The following FOXD3 variants were observed in gnomAD, a reference collection of about 807,000 sequenced individuals.
FOXD3 encodes the protein forkhead box D3.
Under a neutral mutation model 3.6 loss-of-function variants are expected in FOXD3, and 3 were observed. The ratio of observed to expected loss-of-function variants is 0.84; its 90% CI spans 0.38 to 2.18. FOXD3 has a LOEUF of 2.18. Among genes scored for constraint, FOXD3 ranks in the 30% most tolerant of loss-of-function variants. FOXD3 has a pLI of 0.06. For missense variants in FOXD3, 686 were observed against 731.6 expected (o/e 0.94, Z 0.72); for synonymous variants, 391 against 360.9 (o/e 1.08, Z -0.94).
chr1:63,323,927 C>T lies in FOXD3; in HGVS notation c.869C>T (p.Ala290Val). ...GCGGCCGGTGCCTATTCGCACCCGG[C>T]AGCGGCGGCGGCCGCGGCTGCTGCG... ...AAAAGAYSHP[A>V]AAAAAAAAAA... is the part of the protein sequence containing the mutation. Residue 290 changes from alanine to valine, a missense_variant, in exon 1 of 1, where the codon GCA becomes GTA. Ala to Val is a moderately conservative substitution (Grantham distance 64). Transcript: ENST00000371116. The surrounding 1 kb of genome is among the most constrained non-coding windows in gnomAD (Gnocchi z 6.8). 8.0e-7 allele frequency: 1 copy of T among 1,254,612 alleles called. No individual in the cohort carries two copies. The highest frequency in any genetic ancestry group is 1.0e-6 in the Non-Finnish European group (1 of 1,004,618). 77.7% of individuals were successfully genotyped at this position (1,254,612 alleles called of 1,614,324 possible).
Position 63,324,138 on chromosome 1 carries a change from C to T in FOXD3, c.1080C>T (p.Ala360=). 7.0e-7 allele frequency: 1 copy of T among 1,433,216 alleles called. No homozygotes were observed. Among genetic ancestry groups the T allele is most frequent in the Non-Finnish European group, 9.0e-7 (1 of 1,106,748 alleles). The allele number at this position is 1,433,216 out of a possible 1,614,324, so 88.8% of individuals were successfully genotyped here. A position where few individuals can be genotyped will look rare whatever the true frequency, so the allele number is the denominator to read the frequency against. Residue 360 remains alanine (A), a synonymous_variant, in exon 1 of 1, where the codon GCC becomes GCT. Transcript: ENST00000371116. This position sits in a 1 kb window ranked among gnomAD's most constrained non-coding sequence, Gnocchi z 4.1. Reference sequence around the variant, plus strand: ...CGGCCGCTGCGGGCACAGCGGGCGCCGCGGGCACCACCGCGTCGCTCATCA... The same window carrying T: ...CGGCCGCTGCGGGCACAGCGGGCGCTGCGGGCACCACCGCGTCGCTCATCA... ...AAAAAAGTAG[A]AGTTASLIKS...
In FOXD3 at chr1:63,322,809, CCAGGGACGG is replaced by C; in HGVS notation, c.-245_-237del. 1 of 985,398 alleles carries C rather than the reference CCAGGGACGG, an allele frequency of 1.0e-6. No homozygotes were observed. The highest frequency in any genetic ancestry group is 1.2e-6 in the Non-Finnish European group (1 of 829,916). 61.0% of individuals were successfully genotyped at this position (985,398 alleles called of 1,614,324 possible). A position where few individuals can be genotyped will look rare whatever the true frequency, so the allele number is the denominator to read the frequency against. On this transcript the variant is annotated 5_prime_UTR_variant, in exon 1 of 1. Transcript: ENST00000371116. Reference sequence around the variant, plus strand: ...GGTAGCGAGCGCCTAGTACCGAGCGCCAGGGACGGCAGGAGTTCGCGGAGCGCGGCCGCT... The same window carrying C: ...GGTAGCGAGCGCCTAGTACCGAGCGCCAGGAGTTCGCGGAGCGCGGCCGCT...
chr1:63,323,028 T>C lies in FOXD3; in HGVS notation c.-31T>C, dbSNP rs993855056. 6.6e-7 allele frequency: 1 copy of C among 1,511,110 alleles called. No individual in the cohort carries two copies. The highest frequency in any genetic ancestry group is 8.8e-7 in the Non-Finnish European group (1 of 1,134,498). The allele number at this position is 1,511,110 out of a possible 1,614,324, so 93.6% of individuals were successfully genotyped here. ...AACACCCTCATCGCCCGCTGCCCCC[T>C]CCCCGCCGCCGCTACCAACCCCGAG... is the stretch of plus-strand genomic sequence containing the variant. On this transcript the variant is annotated 5_prime_UTR_variant, in exon 1 of 1. Coordinates refer to ENST00000371116, the MANE Select transcript of FOXD3 (RefSeq NM_012183.3). The surrounding 1 kb of genome is among the most constrained non-coding windows in gnomAD (Gnocchi z 6.8).
chr1:63,323,239 G>T lies in FOXD3; in HGVS notation c.181G>T (p.Val61Leu). 6 of 1,523,604 alleles carry T rather than the reference G, an allele frequency of 3.9e-6. No individual in the cohort carries two copies. Among genetic ancestry groups the T allele is most frequent in the South Asian group, 1.2e-5 (1 of 82,582 alleles). The allele number at this position is 1,523,604 out of a possible 1,614,324, so 94.4% of individuals were successfully genotyped here. ...GCTGCGCCTGGACGAGGCGGACGAG[G>T]TGCCCCCGGCGGCACCCCATCACGG... ...PELRLDEADE[V>L]PPAAPHHGQP... Residue 61 changes from valine (V) to leucine (L), a missense_variant, in exon 1 of 1, where the codon GTG becomes TTG. By Grantham distance (32) the Val-to-Leu change is conservative (BLOSUM62 1). Around this residue, in one of 3 missense-constraint regions of FOXD3, gnomAD observed 232 missense variants for 214.0 expected, o/e 1.08. Transcript: ENST00000371116. The surrounding 1 kb of genome is among the most constrained non-coding windows in gnomAD (Gnocchi z 6.8).
chr1:63,324,585 C>A lies in FOXD3; in HGVS notation c.*90C>A, dbSNP rs545812255. 2 of 968,122 alleles carry A rather than the reference C, an allele frequency of 2.1e-6. No homozygotes were observed. The highest frequency in any genetic ancestry group is 1.7e-5 in the African/African-American group (1 of 59,154). The allele number at this position is 968,122 out of a possible 1,614,324, so 60.0% of individuals were successfully genotyped here. On this transcript the variant is annotated 3_prime_UTR_variant, in exon 1 of 1. Coordinates refer to ENST00000371116, the MANE Select transcript of FOXD3 (RefSeq NM_012183.3). This position sits in a 1 kb window ranked among gnomAD's most constrained non-coding sequence, Gnocchi z 4.1. ...CTGCGCGCCCTGTCCCAAGCCCGGT[C>A]CCGGTCCCGCTGCCCAATCCTGGAC...
rs980386059 is a variant in FOXD3 at position 63,324,739 on chromosome 1, A to G, written c.*244A>G. On this transcript the variant is annotated 3_prime_UTR_variant, in exon 1 of 1. Transcript: ENST00000371116. This position sits in a 1 kb window ranked among gnomAD's most constrained non-coding sequence, Gnocchi z 4.1. ...GCCCGCCGGGGATAGCTTTCCATAC[A>G]GGTAAAACCGAAAACCGAATTTTCC... 5 of 546,712 alleles carry G rather than the reference A, an allele frequency of 9.1e-6. No individual in the cohort carries two copies. Among genetic ancestry groups the G allele is most frequent in the Non-Finnish European group, 1.6e-5 (5 of 306,868 alleles). 33.9% of individuals were successfully genotyped at this position (546,712 alleles called of 1,614,324 possible). A position where few individuals can be genotyped will look rare whatever the true frequency, so the allele number is the denominator to read the frequency against.
rs1185982038 is a variant in FOXD3, at chr1:63,323,537, A to G, written c.479A>G (p.Lys160Arg). Residue 160 changes from lysine to arginine, a missense_variant, in exon 1 of 1, where the codon AAG becomes AGG. Around this residue, in one of 3 missense-constraint regions of FOXD3, gnomAD observed 84 missense variants for 145.2 expected, o/e 0.58. Transcript: ENST00000371116. This position sits in a 1 kb window ranked among gnomAD's most constrained non-coding sequence, Gnocchi z 6.8. ...ITMAILQSPQ[K>R]KLTLSGICEF... ...ATGGCCATCCTGCAGAGCCCGCAGA[A>G]GAAGCTGACCCTGAGCGGCATCTGC... is the stretch of plus-strand genomic sequence containing the variant. 1 of 1,614,142 alleles carries G rather than the reference A, an allele frequency of 6.2e-7. No homozygotes were observed. The highest frequency in any genetic ancestry group is 8.5e-7 in the Non-Finnish European group (1 of 1,180,014).
At position 63,324,444 on chromosome 1, in the gene FOXD3, G is replaced by C; in HGVS notation, c.1386G>C (p.Ser462=). 1 of 1,542,508 alleles carries C rather than the reference G, an allele frequency of 6.5e-7. No individual in the cohort carries two copies. The highest frequency in any genetic ancestry group is 1.9e-5 in the Admixed American group (1 of 51,612). The change falls in exon 1 of 1, where the codon TCG becomes TCC. Residue 462 remains serine (S), a synonymous_variant. Transcript: ENST00000371116. This position sits in a 1 kb window ranked among gnomAD's most constrained non-coding sequence, Gnocchi z 4.1. ...GACAGTTTCTGCAGCCCGCAGCCTC[G>C]GCCGCCGCCGCTGCTGCGGCCGCCG... ...LSGQFLQPAA[S]AAAAAAAAAQ...
chr1:63,325,061 A>G lies in FOXD3; in HGVS notation c.*566A>G, dbSNP rs1457998956. On this transcript the variant is annotated 3_prime_UTR_variant, in exon 1 of 1. Coordinates refer to ENST00000371116, the MANE Select transcript of FOXD3 (RefSeq NM_012183.3). ...AGTCTGTTTATATATGAATGAATAT[A>G]TATGGTATTCTAAATGTTATTCCAT... The G allele has an allele frequency of 1.8e-5, 3 of 166,936 alleles. No homozygotes were observed. Among genetic ancestry groups the G allele is most frequent in the African/African-American group, 2.4e-5 (1 of 41,478 alleles). 10.3% of individuals were successfully genotyped at this position (166,936 alleles called of 1,614,324 possible). A position where few individuals can be genotyped will look rare whatever the true frequency, so the allele number is the denominator to read the frequency against.
rs1479054818 is a variant in FOXD3, at chr1:63,325,076, T to A, written c.*581T>A. On this transcript the variant is annotated 3_prime_UTR_variant, in exon 1 of 1. Coordinates refer to ENST00000371116, the MANE Select transcript of FOXD3 (RefSeq NM_012183.3). ...GAATGAATATATATGGTATTCTAAATGTTATTCCATCGTGTTGTACACAAC... is the reference window on the plus strand; with the variant it reads ...GAATGAATATATATGGTATTCTAAAAGTTATTCCATCGTGTTGTACACAAC... The A allele has an allele frequency of 1.2e-5, 2 of 166,774 alleles. No homozygotes were observed. The highest frequency in any genetic ancestry group is 4.8e-5 in the African/African-American group (2 of 41,466). 10.3% of individuals were successfully genotyped at this position (166,774 alleles called of 1,614,324 possible).
Position 63,323,031 on chromosome 1 carries a change from C to G in FOXD3, c.-28C>G. On this transcript the variant is annotated 5_prime_UTR_variant, in exon 1 of 1. Transcript: ENST00000371116. The surrounding 1 kb of genome is among the most constrained non-coding windows in gnomAD (Gnocchi z 6.8). ...ACCCTCATCGCCCGCTGCCCCCTCCCCGCCGCCGCTACCAACCCCGAGGAG... is the reference window on the plus strand; with the variant it reads ...ACCCTCATCGCCCGCTGCCCCCTCCGCGCCGCCGCTACCAACCCCGAGGAG... 2 of 1,514,764 alleles carry G rather than the reference C, an allele frequency of 1.3e-6. No individual in the cohort carries two copies. The highest frequency in any genetic ancestry group is 1.8e-6 in the Non-Finnish European group (2 of 1,135,886). 93.8% of individuals were successfully genotyped at this position (1,514,764 alleles called of 1,614,324 possible). A position where few individuals can be genotyped will look rare whatever the true frequency, so the allele number is the denominator to read the frequency against.
rs1193013104 is a variant in FOXD3 at position 63,324,265 on chromosome 1, G to A, written c.1207G>A (p.Gly403Ser). 7.5e-6 allele frequency: 11 copies of A among 1,476,312 alleles called. No individual in the cohort carries two copies. The highest frequency in any genetic ancestry group is 8.0e-6 in the Non-Finnish European group (9 of 1,123,480). The allele number at this position is 1,476,312 out of a possible 1,614,324, so 91.5% of individuals were successfully genotyped here. ...GGCGGTGGGCGCTGGGGTCGCCGGC[G>A]GCACTGGGGGTTCAGGGGGCGGCAG... ...GSAVGAGVAGGTGGSGGGSTA... is the reference protein window; with the variant it reads ...GSAVGAGVAGSTGGSGGGSTA... The change falls in exon 1 of 1, where the codon GGC (glycine) becomes AGC (serine). Residue 403 changes from glycine (G) to serine (S), a missense_variant. This residue lies in a region of FOXD3 where 370 missense variants were observed against 372.3 expected (regional missense o/e 0.99). Transcript: ENST00000371116. The surrounding 1 kb of genome is among the most constrained non-coding windows in gnomAD (Gnocchi z 4.1).
Position 63,323,361 on chromosome 1 carries a change from G to T in FOXD3, c.303G>T (p.Ala101=). Residue 101 remains alanine, a synonymous_variant, in exon 1 of 1, where the codon GCG becomes GCT. Transcript: ENST00000371116. This position sits in a 1 kb window ranked among gnomAD's most constrained non-coding sequence, Gnocchi z 6.8. ...GPGGDVGAPE[A]DGCKGGVGGE... ...GGGGCGACGTGGGCGCGCCGGAGGC[G>T]GACGGCTGCAAGGGCGGTGTTGGCG... The T allele has an allele frequency of 1.5e-6, 2 of 1,348,720 alleles. No homozygotes were observed. Among genetic ancestry groups the T allele is most frequent in the Non-Finnish European group, 9.5e-7 (1 of 1,052,496 alleles). The allele number at this position is 1,348,720 out of a possible 1,614,324, so 83.5% of individuals were successfully genotyped here.
At position 63,324,736 on chromosome 1, in the gene FOXD3, T is replaced by A. The variant is rs993939259; in HGVS notation, c.*241T>A. On this transcript the variant is annotated 3_prime_UTR_variant, in exon 1 of 1. Transcript: ENST00000371116. The surrounding 1 kb of genome is among the most constrained non-coding windows in gnomAD (Gnocchi z 4.1). ...CGCGCCCGCCGGGGATAGCTTTCCA[T>A]ACAGGTAAAACCGAAAACCGAATTT... The A allele has an allele frequency of 5.4e-6, 3 of 556,276 alleles. No individual in the cohort carries two copies. Among genetic ancestry groups the A allele is most frequent in the Non-Finnish European group, 9.6e-6 (3 of 311,564 alleles). The allele number at this position is 556,276 out of a possible 1,614,324, so 34.5% of individuals were successfully genotyped here.
chr1:63,324,831 T>A lies in FOXD3; in HGVS notation c.*336T>A. ...ATGGGAGGGAAATTCTTTGTATATATTTGTAAAAAAATTATTGACTTTCCT... is the reference window on the plus strand; with the variant it reads ...ATGGGAGGGAAATTCTTTGTATATAATTGTAAAAAAATTATTGACTTTCCT... On this transcript the variant is annotated 3_prime_UTR_variant, in exon 1 of 1. Transcript: ENST00000371116. This position sits in a 1 kb window ranked among gnomAD's most constrained non-coding sequence, Gnocchi z 4.1. 3.3e-6 allele frequency: 1 copy of A among 306,784 alleles called. No individual in the cohort carries two copies. Among genetic ancestry groups the A allele is most frequent in the Non-Finnish European group, 6.3e-6 (1 of 159,014 alleles). The allele number at this position is 306,784 out of a possible 1,614,324, so 19.0% of individuals were successfully genotyped here. A position where few individuals can be genotyped will look rare whatever the true frequency, so the allele number is the denominator to read the frequency against.
chr1:63,323,277 G>T lies in FOXD3; in HGVS notation c.219G>T (p.Pro73=). 2.0e-6 allele frequency: 3 copies of T among 1,489,928 alleles called. No homozygotes were observed. The highest frequency in any genetic ancestry group is 2.1e-4 in the Middle Eastern group (1 of 4,750). 92.3% of individuals were successfully genotyped at this position (1,489,928 alleles called of 1,614,324 possible). ...CACCCCATCACGGACAGCCTCAGCC[G>T]CCCCACCAGCAGCCCCTGACATTGC... is the stretch of plus-strand genomic sequence containing the variant. ...PAAPHHGQPQ[P]PHQQPLTLPK... Residue 73 remains proline (P), a synonymous_variant, in exon 1 of 1, where the codon CCG becomes CCT. Coordinates refer to ENST00000371116, the MANE Select transcript of FOXD3 (RefSeq NM_012183.3). The surrounding 1 kb of genome is among the most constrained non-coding windows in gnomAD (Gnocchi z 6.8).
chr1:63,324,112 G>T lies in FOXD3; in HGVS notation c.1054G>T (p.Ala352Ser). The change falls in exon 1 of 1, where the codon GCG becomes TCG. Residue 352 changes from alanine to serine, a missense_variant. This residue lies in a region of FOXD3 where 370 missense variants were observed against 372.3 expected (regional missense o/e 0.99). Transcript: ENST00000371116. This position sits in a 1 kb window ranked among gnomAD's most constrained non-coding sequence, Gnocchi z 4.1. ...GCAGCTCAATAGCCTGGGCGCCGCC[G>T]CGGCCGCTGCGGGCACAGCGGGCGC... ...QLQLNSLGAA[A>S]AAAGTAGAAG... The T allele has an allele frequency of 7.0e-7, 1 of 1,430,516 alleles. No individual in the cohort carries two copies. The highest frequency in any genetic ancestry group is 9.0e-7 in the Non-Finnish European group (1 of 1,105,260). The allele number at this position is 1,430,516 out of a possible 1,614,324, so 88.6% of individuals were successfully genotyped here. A position where few individuals can be genotyped will look rare whatever the true frequency, so the allele number is the denominator to read the frequency against.
chr1:63,323,192 A>T lies in FOXD3; in HGVS notation c.134A>T (p.Asp45Val). ...LEEKDSDAGC[D>V]SPAGPPELRL... ...GAGAAGGACAGCGACGCAGGTTGCG[A>T]TAGCCCCGCGGGGCCGCCGGAGCTG... is the stretch of plus-strand genomic sequence containing the variant. Residue 45 changes from aspartate to valine, a missense_variant, in exon 1 of 1, where the codon GAT becomes GTT. Coordinates refer to ENST00000371116, the MANE Select transcript of FOXD3 (RefSeq NM_012183.3). This position sits in a 1 kb window ranked among gnomAD's most constrained non-coding sequence, Gnocchi z 6.8. 1 of 1,550,660 alleles carries T rather than the reference A, an allele frequency of 6.4e-7. No individual in the cohort carries two copies. The highest frequency in any genetic ancestry group is 8.7e-7 in the Non-Finnish European group (1 of 1,150,416).
At position 63,322,924 on chromosome 1, in the gene FOXD3, C is replaced by T; in HGVS notation, c.-135C>T. 5.0e-6 allele frequency: 7 copies of T among 1,391,672 alleles called. No homozygotes were observed. Among genetic ancestry groups the T allele is most frequent in the Non-Finnish European group, 6.5e-6 (7 of 1,079,306 alleles). The allele number at this position is 1,391,672 out of a possible 1,614,324, so 86.2% of individuals were successfully genotyped here. Reference sequence around the variant, plus strand: ...AGCCCAGCGGGCCCCAAGCCACCTGCGGCCCCCTCCCCTCTCCCTGCCCCC... The same window carrying T: ...AGCCCAGCGGGCCCCAAGCCACCTGTGGCCCCCTCCCCTCTCCCTGCCCCC... On this transcript the variant is annotated 5_prime_UTR_variant, in exon 1 of 1. Transcript: ENST00000371116.
Sources: allele counts gnomAD v4.1 joint callset, GRCh38; gene constraint gnomAD v4.1.1; regional missense constraint gnomAD v4.1.1; non-coding constraint Gnocchi (gnomAD v3.1); transcripts MANE v1.5; gene names NCBI Gene and HGNC (gene_info 2026-07-23, HGNC 2026-07-21).